Variants in ATP11A observed in about 807,000 individuals in gnomAD.
ATP11A encodes the protein phospholipid-transporting ATPase IH.
A neutral mutation model predicts 154.4 loss-of-function variants in ATP11A; 81 were observed. The ratio of observed to expected loss-of-function variants is 0.52; its 90% confidence interval spans 0.44 to 0.63. ATP11A has a LOEUF of 0.63. Among genes scored for constraint, ATP11A ranks in the 30% least tolerant of loss-of-function variants. The probability of loss-of-function intolerance (pLI) is 0.00; values close to 1 mark genes in which losing one functional copy is unlikely to be tolerated. For missense variants in ATP11A, 1,316 were observed against 1,474.3 expected, an observed-to-expected ratio of 0.89 and a Z score of 1.76; for synonymous variants, 623 against 585.9, an observed-to-expected ratio of 1.06 and a Z score of -0.91.
rs149633794 is a variant in ATP11A at position 112,880,590 on chromosome 13, C to T, written c.*10-1286C>T. ...CTCCAGTCCAGGCCGCACAGAGCAGCGATGGGCCCCTCCTGAAGGACCTCC... is the reference window on the plus strand; with the variant it reads ...CTCCAGTCCAGGCCGCACAGAGCAGTGATGGGCCCCTCCTGAAGGACCTCC... On this transcript the variant is annotated intron_variant, in intron 29 of 29. Coordinates refer to ENST00000375645, the MANE Select transcript of ATP11A (RefSeq NM_015205.3). 5.8e-4 allele frequency: 757 copies of T among 1,300,722 alleles called. 12 individuals carry two copies. In the East Asian group the frequency reaches 0.024, roughly 40 times the overall value. 80.6% of individuals were successfully genotyped at this position (1,300,722 alleles called of 1,614,324 possible).
intron 29 of ATP11A, chr13:112,881,377 C>G: frequency 5.8e-6 from 6 of 1,040,962 alleles, no homozygotes; most frequent in Non-Finnish European, 6.9e-6. Context: ...CAACCCGGTC[C>G]CTGTGGGGTG....
chr13:112,858,297 G>A lies in ATP11A; in HGVS notation c.2667+7G>A, dbSNP rs765932073. ...GCAGTACTTCTTCTATAAGGTAGGA[G>A]GGTCGCCGCTCCCCCTCACGGTGTT... On this transcript the variant is annotated splice_region_variant and intron_variant, in intron 22 of 29. Coordinates refer to ENST00000375645, the MANE Select transcript of ATP11A (RefSeq NM_015205.3). 6.9e-5 allele frequency: 111 copies of A among 1,607,108 alleles called. No individual in the cohort carries two copies. Among genetic ancestry groups the A allele is most frequent in the Middle Eastern group, 1.9e-4 (1 of 5,150 alleles).
chr13:112,836,128 T>C (rs2140268320), intron 15 of ATP11A, 50 bp from the exon 16 acceptor site: 1 of 1,365,606 alleles, frequency 7.3e-7, no homozygotes, highest in East Asian at 2.3e-5. Context: ...CCAGATGGAA[T>C]CACGTGAGCA....
At chr13:112,849,014 C>T (rs1356370321) in intron 17 of ATP11A, among the ~76,000 whole-genome samples, 3 of 152,158 alleles carry the variant, frequency 2.0e-5, no homozygotes, top group African/African-American at 7.2e-5. Context: ...TGGTTTTTAC[C>T]ACGTTGAGGA....
In ATP11A at chr13:112,722,127, T is replaced by A. The variant is rs1412801177; in HGVS notation, c.39+31672T>A. On this transcript the variant is annotated intron_variant, in intron 1 of 29. Coordinates refer to ENST00000375645, the MANE Select transcript of ATP11A (RefSeq NM_015205.3). ...GCCAAATATGAGTGACCATGGCCTG[T>A]CACACAGTCCTCAGGAGGTCCTAAG... Among the ~76,000 whole-genome samples, 4 of 152,272 alleles carry A rather than the reference T, an allele frequency of 2.6e-5. No homozygotes were observed. The East Asian group carries it at 7.7e-4, about 29-fold the overall frequency.
chr13:112,701,083 G>A (rs140295556), intron 1 of ATP11A, among the ~76,000 whole-genome samples: 2 of 152,134 alleles, frequency 1.3e-5, no homozygotes, highest in South Asian at 2.1e-4. Flanking sequence ...AGTGGCCGGC[G>A]GCCACCTGAG....
In ATP11A at chr13:112,859,641, T is replaced by C. The variant is rs2080042187; in HGVS notation, c.2727+189T>C. ...GGAGGGGGGCCACGGAGCTGAGGAGTTGCCGTCCTGGAGGCCCCTTGTTCC... is the reference window on the plus strand; with the variant it reads ...GGAGGGGGGCCACGGAGCTGAGGAGCTGCCGTCCTGGAGGCCCCTTGTTCC... On this transcript the variant is annotated intron_variant, in intron 23 of 29. Coordinates refer to ENST00000375645, the MANE Select transcript of ATP11A (RefSeq NM_015205.3). The surrounding 1 kb of genome is among the most constrained non-coding windows in gnomAD (Gnocchi z 4.3). Among the ~76,000 whole-genome samples the C allele has an allele frequency of 6.6e-6, 1 of 151,902 alleles. No individual in the cohort carries two copies. The highest frequency in any genetic ancestry group is 2.1e-4 in the South Asian group (1 of 4,812).
intron 1 of ATP11A, among the ~76,000 whole-genome samples, chr13:112,728,253 G>A (rs910059101): frequency 2.6e-5 from 4 of 152,142 alleles, no homozygotes; most frequent in African/African-American, 4.8e-5. Context: ...GAGACCATGC[G>A]GCCCACCTCC....
rs202154545 is a variant in ATP11A, at chr13:112,819,860, T to C, written c.675-40T>C. On this transcript the variant is annotated intron_variant, in intron 7 of 29. Transcript: ENST00000375645. The stretch of plus-strand genomic sequence containing the variant: ...CAGGCGCGCGCTTCCCGGGGGCCGC[T>C]GGGCGCGTCCGGTCAGTAACGTGGC... 89 of 1,613,190 alleles carry C rather than the reference T, an allele frequency of 5.5e-5. No homozygotes were observed. In the East Asian group the frequency reaches 1.5e-3, roughly 27 times the overall value.
intron 1 of ATP11A, among the ~76,000 whole-genome samples, chr13:112,742,770 G>T (rs1891696814): frequency 6.6e-6 from 1 of 152,206 alleles, no homozygotes; most frequent in Admixed American, 6.5e-5. Context: ...TCGGACACGT[G>T]CTCAGACTGA....
chr13:112,868,511 T>G (rs1433710442), intron 25 of ATP11A, among the ~76,000 whole-genome samples: 2 of 152,128 alleles, frequency 1.3e-5, no homozygotes, highest in African/African-American at 4.8e-5. Flanking sequence ...TTCGCACTGG[T>G]CAGGTTCTTG....
At chr13:112,741,855 C>G (rs1891586776) in intron 1 of ATP11A, among the ~76,000 whole-genome samples, 1 of 152,072 alleles carries the variant, frequency 6.6e-6, no homozygotes, top group Non-Finnish European at 1.5e-5. Context: ...GAGTGCTCTG[C>G]TCCCTGTGGA....
chr13:112,732,654 C>G (rs974691345), intron 1 of ATP11A, among the ~76,000 whole-genome samples: 1 of 152,198 alleles, frequency 6.6e-6, no homozygotes, highest in Non-Finnish European at 1.5e-5. Context: ...CTTTGTTGCC[C>G]AGGCCGGAGT....
intron 1 of ATP11A, among the ~76,000 whole-genome samples, chr13:112,702,006 C>T (rs532703624): frequency 7.2e-5 from 11 of 151,992 alleles, no homozygotes; most frequent in East Asian, 1.9e-4. Flanking sequence ...TGGAGACAGG[C>T]GTTGCTAGTA....
At chr13:112,825,665 T>C in intron 11 of ATP11A, 85 bp downstream of exon 11, 5 of 1,458,108 alleles carry the variant, frequency 3.4e-6, no homozygotes, top group Non-Finnish European at 4.6e-6. Flanking sequence ...AAGATGACGG[T>C]GAATTTACTG....
chr13:112,701,171 C>G (rs2139493623), intron 1 of ATP11A, among the ~76,000 whole-genome samples: 1 of 152,322 alleles, frequency 6.6e-6, no homozygotes, highest in South Asian at 2.1e-4. Flanking sequence ...TCCTTTCTAC[C>G]ATGATTTCTC....
intron 2 of ATP11A, among the ~76,000 whole-genome samples, chr13:112,795,894 G>A (rs1460413044): frequency 6.6e-6 from 1 of 152,208 alleles, no homozygotes; most frequent in African/African-American, 2.4e-5. Context: ...ATTTGCTGAA[G>A]TTTACATGGT....
intron 4 of ATP11A, among the ~76,000 whole-genome samples, chr13:112,808,051 G>A (rs1461747498): frequency 6.6e-6 from 1 of 152,100 alleles, no homozygotes; most frequent in Non-Finnish European, 1.5e-5. Context: ...GTGGAGTAGG[G>A]AGGGCGGCTC....
intron 12 of ATP11A, among the ~76,000 whole-genome samples, chr13:112,827,318 C>T (rs963896610): frequency 6.6e-6 from 1 of 152,260 alleles, no homozygotes; most frequent in Admixed American, 6.5e-5. Context: ...CCATTCAGAT[C>T]CTGCTGCTGC....
Sources: allele counts gnomAD v4.1 joint callset (sites outside exome capture counted in the v4.1 genomes callset), GRCh38; gene constraint gnomAD v4.1.1; non-coding constraint Gnocchi (gnomAD v3.1); transcripts MANE v1.5; gene names NCBI Gene and HGNC (gene_info 2026-07-23, HGNC 2026-07-21).